The following RNGTT variants were observed in gnomAD, a reference collection of about 807,000 sequenced individuals.
RNGTT encodes the protein RNA guanylyltransferase and 5'-phosphatase, also known as mRNA-capping enzyme.
RNGTT carries 33 observed loss-of-function variants against 79.3 expected under a neutral mutation model. The observed-to-expected ratio is 0.42, with a 90% CI of 0.32 to 0.56. The LOEUF is 0.56. Ranked by LOEUF, RNGTT falls within the 20% of genes least tolerant of loss-of-function variation. The pLI, the probability that RNGTT is intolerant of heterozygous loss-of-function variation, is 0.17. For missense variants in RNGTT, 497 were observed against 739.1 expected (o/e 0.67, Z 3.80); for synonymous variants, 222 against 235.9 (o/e 0.94, Z 0.54).
intron 12 of RNGTT, among the ~76,000 whole-genome samples, chr6:88,801,348 AGATG>A (rs1432319398): frequency 2.6e-5 from 4 of 152,338 alleles, no homozygotes; most frequent in African/African-American, 9.6e-5. Context: ...AGTGAAAAAC[AGATG>A]GGTGCTCATT....
chr6:88,746,335 C>A (rs1777657117), intron 13 of RNGTT, among the ~76,000 whole-genome samples: 1 of 152,150 alleles, frequency 6.6e-6, no homozygotes, highest in Admixed American at 6.5e-5. Flanking sequence ...GCCCCTGATG[C>A]AAGGGGAGGC....
At chr6:88,789,186 G>A (rs960583833) in intron 12 of RNGTT, among the ~76,000 whole-genome samples, 30 of 152,330 alleles carry the variant, frequency 2.0e-4, no homozygotes, top group African/African-American at 6.7e-4. Flanking sequence ...TTAGGAGGCT[G>A]AGGCGGGTGG....
At chr6:88,709,806 A>C (rs1255872074) in intron 13 of RNGTT, among the ~76,000 whole-genome samples, 3 of 152,226 alleles carry the variant, frequency 2.0e-5, no homozygotes, top group Non-Finnish European at 4.4e-5. Flanking sequence ...CCATATTGGA[A>C]AGTACAAACA....
At chr6:88,939,113 TG>T (rs933609994) in intron 2 of RNGTT, among the ~76,000 whole-genome samples, 2 of 152,168 alleles carry the variant, frequency 1.3e-5, no homozygotes, top group Non-Finnish European at 2.9e-5. Flanking sequence ...TTATCTTTTG[TG>T]GGATCTTTGA....
intron 12 of RNGTT, among the ~76,000 whole-genome samples, chr6:88,778,388 T>A (rs191402202): frequency 2.0e-5 from 3 of 149,756 alleles, no homozygotes; most frequent in Admixed American, 2.0e-4. Context: ...GGGGCCATAT[T>A]ATAAGAAAAA....
chr6:88,924,686 T>C (rs1160467864), intron 4 of RNGTT, among the ~76,000 whole-genome samples: 1 of 151,938 alleles, frequency 6.6e-6, no homozygotes, highest in Non-Finnish European at 1.5e-5. Context: ...TGTTGTTTTA[T>C]GTTTTATTTT....
At chr6:88,919,854 C>G (rs926189484) in intron 4 of RNGTT, among the ~76,000 whole-genome samples, 22 of 151,906 alleles carry the variant, frequency 1.4e-4, no homozygotes, top group African/African-American at 4.6e-4. Context: ...CCACGCCTGG[C>G]TAATTTTGTA....
intron 13 of RNGTT, among the ~76,000 whole-genome samples, chr6:88,712,049 C>G (rs1364151353): frequency 6.6e-6 from 1 of 152,048 alleles, no homozygotes; most frequent in African/African-American, 2.4e-5. Flanking sequence ...GGAATAAAAA[C>G]AAAATCAACA....
chr6:88,685,708 TATA>T (rs1775252415), intron 13 of RNGTT, among the ~76,000 whole-genome samples: 1 of 152,066 alleles, frequency 6.6e-6, no homozygotes, highest in South Asian at 2.1e-4. Flanking sequence ...ACTGTATTGT[TATA>T]ATGGCAGAAA....
chr6:88,638,171 A>C lies in RNGTT; in HGVS notation c.1507-23776T>G, dbSNP rs538398836. Among the ~76,000 whole-genome samples, 8 of 152,270 alleles carry C rather than the reference A, an allele frequency of 5.3e-5. No homozygotes were observed. In the South Asian group the frequency reaches 1.5e-3, roughly 28 times the overall value. On this transcript the variant is annotated intron_variant, in intron 14 of 15. Coordinates refer to ENST00000369485, the MANE Select transcript of RNGTT (RefSeq NM_003800.5). ...AGCACAAGAGCCAAAACAAACTAAA[A>C]AACTGAAGGGTTCTATTCTTTCAGA...
At chr6:88,734,184 G>C (rs1249242462) in intron 13 of RNGTT, among the ~76,000 whole-genome samples, 1 of 152,032 alleles carries the variant, frequency 6.6e-6, no homozygotes, top group Non-Finnish European at 1.5e-5. Flanking sequence ...GGATGAAAGG[G>C]AGGAACTGAG....
rs1285335414 is a variant in RNGTT at position 88,771,698 on chromosome 6, A to G, written c.1339-1824T>C. Among the ~76,000 whole-genome samples the G allele has an allele frequency of 2.6e-5, 4 of 152,174 alleles. No individual in the cohort carries two copies. The East Asian group carries it at 7.7e-4, about 29-fold the overall frequency. ...ATAAACACTGTAAATCTCTCCATTT[A>G]CTCATCCTTAAATGAATCTTAACAA... On this transcript the variant is annotated intron_variant, in intron 12 of 15. Transcript: ENST00000369485.
chr6:88,706,423 T>A (rs1443975786), intron 13 of RNGTT, among the ~76,000 whole-genome samples: 1 of 152,072 alleles, frequency 6.6e-6, no homozygotes, highest in South Asian at 2.1e-4. Context: ...TGTAAATTTA[T>A]CTATTTTATA....
At chr6:88,627,372 A>C (rs1440698629) in intron 14 of RNGTT, among the ~76,000 whole-genome samples, 1 of 152,152 alleles carries the variant, frequency 6.6e-6, no homozygotes, top group East Asian at 1.9e-4. Context: ...AGGAGTCCTT[A>C]CATTTACTTT....
At chr6:88,866,411 AG>A (rs1240628464) in intron 8 of RNGTT, among the ~76,000 whole-genome samples, 3 of 152,182 alleles carry the variant, frequency 2.0e-5, no homozygotes, top group Non-Finnish European at 4.4e-5. Flanking sequence ...GTATTCATAC[AG>A]GCACTACCAA....
intron 13 of RNGTT, among the ~76,000 whole-genome samples, chr6:88,760,512 G>A (rs551198454): frequency 2.0e-4 from 31 of 151,926 alleles, no homozygotes; most frequent in African/African-American, 5.1e-4. Context: ...AGTTACTATG[G>A]GTCATTTGCT....
rs1263374163 is a variant in RNGTT at position 88,929,207 on chromosome 6, T to C, written c.235A>G (p.Ile79Val). ...ATATATTTGATTCCTTCTTTTTCTA[T>C]GTCATTTCGGTCATAGAACCTTGAA... ...NTSRFYDRND[I>V]EKEGIKYIKL... The change falls in exon 3 of 16, where the codon ATA (isoleucine) becomes GTA (valine). Residue 79 changes from isoleucine to valine, a missense_variant. Ile to Val is a conservative substitution (Grantham distance 29). Around this residue, in one of 3 missense-constraint regions of RNGTT, gnomAD observed 440 missense variants for 671.5 expected, o/e 0.66. Coordinates refer to ENST00000369485, the MANE Select transcript of RNGTT (RefSeq NM_003800.5). The C allele has an allele frequency of 2.5e-6, 4 of 1,610,538 alleles. No homozygotes were observed. The highest frequency in any genetic ancestry group is 2.7e-5 in the African/African-American group (2 of 74,728).
intron 11 of RNGTT, among the ~76,000 whole-genome samples, chr6:88,836,823 A>C (rs1382497896): frequency 6.6e-6 from 1 of 152,176 alleles, no homozygotes; most frequent in Non-Finnish European, 1.5e-5. Flanking sequence ...TGGGAGGAGA[A>C]AAAAATTAAA....
At chr6:88,664,980 C>T (rs184905187) in intron 14 of RNGTT, among the ~76,000 whole-genome samples, 2 of 152,292 alleles carry the variant, frequency 1.3e-5, no homozygotes, top group African/African-American at 2.4e-5. Flanking sequence ...CGGACCTGCT[C>T]GGTGGGGGGA....
Sources: allele counts gnomAD v4.1 joint callset (sites outside exome capture counted in the v4.1 genomes callset), GRCh38; gene constraint gnomAD v4.1.1; regional missense constraint gnomAD v4.1.1; transcripts MANE v1.5; gene names NCBI Gene and HGNC (gene_info 2026-07-23, HGNC 2026-07-21).